The following ABCA12 variants were observed in gnomAD, a reference collection of about 807,000 sequenced individuals.
ABCA12 encodes glucosylceramide transporter ABCA12.
A neutral mutation model predicts 293.5 loss-of-function variants in ABCA12; 156 were observed. The ratio of observed to expected loss-of-function variants is 0.53; its 90% CI spans 0.47 to 0.61. The LOEUF (loss-of-function observed/expected upper bound fraction) is 0.61. Among genes scored for constraint, ABCA12 ranks in the 20% least tolerant of loss-of-function variants. ABCA12 has a pLI of 0.00. For synonymous variants in ABCA12, 1,063 were observed against 1,108.0 expected (o/e 0.96, Z 0.81); for missense variants, 2,797 against 3,090.2 (o/e 0.91, Z 2.25).
intron 2 of ABCA12, among the ~76,000 whole-genome samples, chr2:215,093,017 T>C (rs183830111): frequency 6.6e-6 from 1 of 152,314 alleles, no homozygotes; most frequent in African/African-American, 2.4e-5. Flanking sequence ...TTTCCATCCA[T>C]GTGCTTCTCA....
intron 1 of ABCA12, among the ~76,000 whole-genome samples, chr2:215,131,838 T>C (rs886179939): frequency 6.6e-6 from 1 of 151,902 alleles, no homozygotes; most frequent in African/African-American, 2.4e-5. Flanking sequence ...AAATTGTTAA[T>C]TTGAGAGCTT....
intron 2 of ABCA12, among the ~76,000 whole-genome samples, chr2:215,100,018 T>TC (rs1702324348): frequency 8.4e-6 from 1 of 118,596 alleles, no homozygotes; most frequent in Admixed American, 8.7e-5. Context: ...CTCTCTCTCT[T>TC]TTTTTTTTTT....
chr2:214,972,856 AT>A (rs1290062391), intron 36 of ABCA12, among the ~76,000 whole-genome samples: 1 of 149,342 alleles, frequency 6.7e-6, no homozygotes, highest in East Asian at 2.0e-4. Context: ...GTTAAGACTA[AT>A]TTTTTTTTCC....
intron 1 of ABCA12, among the ~76,000 whole-genome samples, chr2:215,134,528 G>T (rs1462395225): frequency 7.7e-6 from 1 of 130,330 alleles, no homozygotes; most frequent in South Asian, 2.4e-4. Flanking sequence ...GTATATATAC[G>T]TATATATGTA....
intron 1 of ABCA12, among the ~76,000 whole-genome samples, chr2:215,115,132 G>A (rs1267438486): frequency 6.6e-6 from 1 of 152,134 alleles, no homozygotes; most frequent in Non-Finnish European, 1.5e-5. Flanking sequence ...GACTCTTGAA[G>A]GCAAAAACCA....
intron 29 of ABCA12, 76 bp from the exon 30 acceptor site, chr2:214,982,459 T>C (rs998156519): frequency 5.5e-5 from 64 of 1,156,260 alleles, no homozygotes; most frequent in Middle Eastern, 2.8e-4. Context: ...ATAACCCTAA[T>C]TGATATGTAT....
In ABCA12 at chr2:214,934,165, T is replaced by G. The variant is rs781283793; in HGVS notation, c.7593A>C (p.Gly2531=). The part of the protein sequence containing the change: ...LEYHVPVTAG[G]VANIFDLLET... ...CCAGCAGATCAAAAATGTTTGCGAC[T>G]CCTCCTGCTGTGACTGGTACATGAT... is the stretch of plus-strand genomic sequence containing the variant. The change falls in exon 52 of 53, where the codon GGA becomes GGC. Residue 2531 remains glycine (G), a synonymous_variant. Transcript: ENST00000272895. The G allele has an allele frequency of 5.6e-6, 9 of 1,613,686 alleles. No individual in the cohort carries two copies. The highest frequency in any genetic ancestry group is 7.6e-6 in the Non-Finnish European group (9 of 1,179,806).
intron 2 of ABCA12, among the ~76,000 whole-genome samples, chr2:215,092,755 C>T (rs1336461075): frequency 6.6e-6 from 1 of 152,180 alleles, no homozygotes. Context: ...TCTTGCCTAT[C>T]CATGCCATAG....
At chr2:214,941,985 T>A (rs1323580648) in intron 50 of ABCA12, among the ~76,000 whole-genome samples, 1 of 152,208 alleles carries the variant, frequency 6.6e-6, no homozygotes, top group African/African-American at 2.4e-5. Flanking sequence ...ATGTGTGAAT[T>A]TGATCCTGTC....
intron 1 of ABCA12, among the ~76,000 whole-genome samples, chr2:215,112,333 A>ATTTTTT (rs35532740): frequency 9.5e-5 from 12 of 126,690 alleles, no homozygotes; most frequent in African/African-American, 3.2e-4. Flanking sequence ...ATAGTCAATG[A>ATTTTTT]TTTTTTTTTT....
Position 215,007,823 on chromosome 2 carries a change from C to A in ABCA12, c.2496G>T (p.Leu832=). The A allele has an allele frequency of 6.2e-7, 1 of 1,613,958 alleles. No individual in the cohort carries two copies. The highest frequency in any genetic ancestry group is 8.5e-7 in the Non-Finnish European group (1 of 1,179,914). Residue 832 remains leucine (L), a synonymous_variant, in exon 19 of 53, where the codon CTG becomes CTT. Coordinates refer to ENST00000272895, the MANE Select transcript of ABCA12 (RefSeq NM_173076.3). ...MEKSNVTLRQ[L]AELREKSQEW... ...CTTGAGATTTTTCTCTTAATTCCGC[C>A]AGCTGTCTCAGAGTTACATTGGACT...
Position 214,948,694 on chromosome 2 carries a change from A to C in ABCA12, c.7006T>G (p.Cys2336Gly). Residue 2336 changes from cysteine (C) to glycine (G), a missense_variant, in exon 47 of 53, where the codon TGT becomes GGT. This residue lies in a region of ABCA12 where 2,130 missense variants were observed against 2,427.0 expected (regional missense o/e 0.88). Coordinates refer to ENST00000272895, the MANE Select transcript of ABCA12 (RefSeq NM_173076.3). ...VDSHSSLVGY[C>G]PQEDALDDLV... is the part of the protein sequence containing the mutation. ...TCATCTAAGGCATCTTCCTGAGGAC[A>C]GTAGCCAACTAATGAGCTGTGAGAA... 1 of 1,614,148 alleles carries C rather than the reference A, an allele frequency of 6.2e-7. No homozygotes were observed. The highest frequency in any genetic ancestry group is 8.5e-7 in the Non-Finnish European group (1 of 1,179,994).
At chr2:214,959,428 C>T (rs1298691097) in intron 39 of ABCA12, among the ~76,000 whole-genome samples, 1 of 152,040 alleles carries the variant, frequency 6.6e-6, no homozygotes, top group East Asian at 1.9e-4. Flanking sequence ...ATTTCAACAG[C>T]ACTTCAGACA....
intron 26 of ABCA12, among the ~76,000 whole-genome samples, chr2:214,988,780 A>G (rs1301485053): frequency 1.3e-5 from 2 of 152,190 alleles, no homozygotes; most frequent in Admixed American, 1.3e-4. Context: ...CCGAGAGGAA[A>G]TTTAGCAGTA....
chr2:215,070,159 C>CAAT (rs57370448), intron 2 of ABCA12, among the ~76,000 whole-genome samples: 101,183 of 151,634 alleles, frequency 0.67, 34,003 homozygotes, highest in African/African-American at 0.73. Flanking sequence ...TTAATAAAAT[C>CAAT]AATATTTATT....
intron 8 of ABCA12, among the ~76,000 whole-genome samples, chr2:215,033,663 C>T (rs916137405): frequency 2.6e-5 from 4 of 151,944 alleles, no homozygotes; most frequent in Admixed American, 6.6e-5. Context: ...ATTCACAGGC[C>T]GGGCACAGTG....
At chr2:214,945,441 C>T (rs547101087) in intron 48 of ABCA12, among the ~76,000 whole-genome samples, 1 of 152,248 alleles carries the variant, frequency 6.6e-6, no homozygotes, top group East Asian at 1.9e-4. Flanking sequence ...GCCACATCAA[C>T]AAGATTACCA....
At chr2:215,039,743 A>G (rs1465963623) in intron 7 of ABCA12, among the ~76,000 whole-genome samples, 1 of 151,610 alleles carries the variant, frequency 6.6e-6, no homozygotes, top group Non-Finnish European at 1.5e-5. Flanking sequence ...CAACAGAGCA[A>G]GACTCCTTCT....
intron 4 of ABCA12, 59 bp downstream of exon 4, chr2:215,054,514 A>C (rs1042146767): frequency 2.2e-6 from 3 of 1,376,086 alleles, no homozygotes; most frequent in Non-Finnish European, 3.1e-6. Flanking sequence ...CCTTTCAAAG[A>C]TTAGACCTTT....
Sources: allele counts gnomAD v4.1 joint callset (sites outside exome capture counted in the v4.1 genomes callset), GRCh38; gene constraint gnomAD v4.1.1; regional missense constraint gnomAD v4.1.1; transcripts MANE v1.5; gene names NCBI Gene and HGNC (gene_info 2026-07-23, HGNC 2026-07-21).